The following RNF185 variants were observed in gnomAD, a reference collection of about 807,000 sequenced individuals.
The protein encoded by RNF185 is ring finger protein 185.
Under a neutral mutation model 24.9 loss-of-function variants are expected in RNF185, and 13 were observed. That is an observed-to-expected ratio of 0.52 (90% CI 0.34 to 0.83). The LOEUF (loss-of-function observed/expected upper bound fraction) is 0.83, where lower values mean the gene tolerates loss of function less well. RNF185 is among the 40% of genes least tolerant of loss of function. The pLI, the probability that RNF185 is intolerant of heterozygous loss-of-function variation, is 0.01. For missense variants in RNF185, 184 were observed against 244.7 expected (o/e 0.75, Z 1.65); for synonymous variants, 79 against 90.3 (o/e 0.88, Z 0.71).
rs1314876987 is a variant in RNF185, at chr22:31,204,941, A to G, written c.*355A>G. 1 of 219,252 alleles carries G rather than the reference A, an allele frequency of 4.6e-6. No individual in the cohort carries two copies. Among genetic ancestry groups the G allele is most frequent in the African/African-American group, 2.2e-5 (1 of 44,716 alleles). 13.6% of individuals were successfully genotyped at this position (219,252 alleles called of 1,614,324 possible). ...TATAATTTCACCTGAGTTTAATATT[A>G]CAGAAACAAAGGGATGCACCAAATG... On this transcript the variant is annotated 3_prime_UTR_variant, in exon 7 of 7. Coordinates refer to ENST00000326132, the MANE Select transcript of RNF185 (RefSeq NM_152267.4).
intron 1 of RNF185, among the ~76,000 whole-genome samples, chr22:31,183,885 A>G (rs1228660110): frequency 6.6e-6 from 1 of 151,948 alleles, no homozygotes; most frequent in African/African-American, 2.4e-5. Flanking sequence ...CCCGTTCTCA[A>G]TGAGCTGTTG....
chr22:31,164,704 A>T (rs951373690), intron 1 of RNF185, among the ~76,000 whole-genome samples: 1 of 148,280 alleles, frequency 6.7e-6, no homozygotes, highest in Non-Finnish European at 1.5e-5. Context: ...CTCCTGCCTC[A>T]GCCTCCTGAA....
At position 31,206,542 on chromosome 22, in the gene RNF185, T is replaced by C. The variant is rs1313388787; in HGVS notation, c.*1956T>C. ...CAACAGAAATGGGTTTCCAGAAGAA[T>C]AATGAAAAGTTGTGGGTAGGAAAAT... On this transcript the variant is annotated 3_prime_UTR_variant, in exon 7 of 7. Transcript: ENST00000326132. 2.6e-5 allele frequency: 4 copies of C among 152,164 alleles called. No individual in the cohort carries two copies. Among genetic ancestry groups the C allele is most frequent in the Non-Finnish European group, 5.9e-5 (4 of 68,028 alleles). The allele number at this position is 152,164 out of a possible 1,614,324, so 9.4% of individuals were successfully genotyped here. A position where few individuals can be genotyped will look rare whatever the true frequency, so the allele number is the denominator to read the frequency against.
intron 2 of RNF185, among the ~76,000 whole-genome samples, chr22:31,188,258 A>G (rs1050244600): frequency 3.9e-5 from 6 of 152,184 alleles, no homozygotes; most frequent in South Asian, 2.1e-4. Flanking sequence ...TTTAAACAAT[A>G]TTTAAGGGAT....
intron 1 of RNF185, among the ~76,000 whole-genome samples, chr22:31,162,914 A>T (rs550912866): frequency 6.6e-6 from 1 of 150,770 alleles, no homozygotes; most frequent in Admixed American, 6.6e-5. Flanking sequence ...ACAGGCGCCC[A>T]CCCCGATGAC....
At chr22:31,161,802 G>T (rs1266886859) in intron 1 of RNF185, among the ~76,000 whole-genome samples, 2 of 151,522 alleles carry the variant, frequency 1.3e-5, no homozygotes, top group African/African-American at 2.4e-5. Flanking sequence ...CTGTTGGCTA[G>T]CTTTCCATGC....
At chr22:31,166,713 G>A (rs527636983) in intron 1 of RNF185, among the ~76,000 whole-genome samples, 2 of 151,332 alleles carry the variant, frequency 1.3e-5, no homozygotes, top group South Asian at 2.1e-4. Context: ...GCAATGGTGC[G>A]ATCTTGGCTC....
chr22:31,187,867 GC>G (rs1257877730), intron 2 of RNF185, among the ~76,000 whole-genome samples: 1 of 152,148 alleles, frequency 6.6e-6, no homozygotes, highest in African/African-American at 2.4e-5. Flanking sequence ...GGTTACAGGA[GC>G]CCTTTCTGGC....
At chr22:31,192,609 C>A in intron 2 of RNF185, 75 bp from the exon 3 acceptor site, 1 of 1,317,972 alleles carries the variant, frequency 7.6e-7, no homozygotes, top group Non-Finnish European at 1.1e-6. Context: ...AGTGTTTCTG[C>A]TAATGAAAAC....
intron 5 of RNF185, among the ~76,000 whole-genome samples, chr22:31,200,429 C>T (rs887698876): frequency 7.2e-5 from 11 of 152,318 alleles, no homozygotes; most frequent in Non-Finnish European, 1.2e-4. Flanking sequence ...CTAAACTGTA[C>T]TCCTTGGTCA....
rs188222560 is a variant in RNF185, at chr22:31,166,956, C to T, written c.-49+6653C>T. On this transcript the variant is annotated intron_variant, in intron 1 of 6. Coordinates refer to ENST00000326132, the MANE Select transcript of RNF185 (RefSeq NM_152267.4). Reference sequence around the variant, plus strand: ...TGAGCCACCACACCTGGCCTATAAGCGTTACTTCTGATGGCCTACATAGAT... The same window carrying T: ...TGAGCCACCACACCTGGCCTATAAGTGTTACTTCTGATGGCCTACATAGAT... Among the ~76,000 whole-genome samples the T allele has an allele frequency of 5.3e-4, 80 of 152,124 alleles. 1 individual carries two copies. Among genetic ancestry groups the T allele is most frequent in the African/African-American group, 1.7e-3 (72 of 41,522 alleles).
chr22:31,182,908 T>TTTATTATTATTATTATTATTATTATTA, intron 1 of RNF185: 1 of 143,060 alleles, frequency 7.0e-6, no homozygotes, highest in East Asian at 2.0e-4. Context: ...ATTTATTTTA[T>TTTATTATTATTATTATTATTATTATTA]TTATTATTAT....
intron 6 of RNF185, among the ~76,000 whole-genome samples, 171 bp downstream of exon 6, chr22:31,201,786 C>T (rs2048265316): frequency 6.6e-6 from 1 of 152,118 alleles, no homozygotes; most frequent in African/African-American, 2.4e-5. Context: ...GGTAACAATG[C>T]TGAGCACTTA....
intron 1 of RNF185, among the ~76,000 whole-genome samples, chr22:31,177,280 T>C (rs114260433): frequency 6.7e-4 from 102 of 151,916 alleles, no homozygotes; most frequent in African/African-American, 2.4e-3. Context: ...TGGCAAATAA[T>C]AGGATCTTTA....
chr22:31,191,956 TA>T (rs1842466923), intron 2 of RNF185, among the ~76,000 whole-genome samples: 3 of 152,066 alleles, frequency 2.0e-5, no homozygotes, highest in Admixed American at 6.6e-5. Flanking sequence ...CTTTTTTTTT[TA>T]ATCCTGATGC....
intron 1 of RNF185, among the ~76,000 whole-genome samples, chr22:31,171,156 C>CTTACTTACTTATTTATTTATTTAT (rs149267234): frequency 1.4e-5 from 2 of 143,234 alleles, no homozygotes; most frequent in African/African-American, 5.2e-5. Flanking sequence ...CTCTGATTTA[C>CTTACTTACTTATTTATTTATTTAT]TTATTTATTT....
intron 1 of RNF185, among the ~76,000 whole-genome samples, chr22:31,175,925 C>T (rs2047977904): frequency 6.6e-6 from 1 of 152,100 alleles, no homozygotes; most frequent in Non-Finnish European, 1.5e-5. Context: ...TTGGACCTTT[C>T]ACATCTTTTA....
chr22:31,170,509 A>AT (rs2047918639), intron 1 of RNF185, among the ~76,000 whole-genome samples: 1 of 147,536 alleles, frequency 6.8e-6, no homozygotes, highest in Non-Finnish European at 1.5e-5. Flanking sequence ...TTTATTTTTT[A>AT]TTTATTTTAT....
rs1293078242 is a variant in RNF185, at chr22:31,206,828, CCTTT to C, written c.*2247_*2250del. 6.6e-6 allele frequency: 1 copy of C among 152,224 alleles called. No homozygotes were observed. Among genetic ancestry groups the C allele is most frequent in the Non-Finnish European group, 1.5e-5 (1 of 68,052 alleles). 9.4% of individuals were successfully genotyped at this position (152,224 alleles called of 1,614,324 possible). On this transcript the variant is annotated 3_prime_UTR_variant, in exon 7 of 7. Coordinates refer to ENST00000326132, the MANE Select transcript of RNF185 (RefSeq NM_152267.4). ...CTCATCCTTCTGCCAAGGCAGCTTT[CCTTT>C]CTTTTGTGTGTTTTCTGTGTTCTTA...
Sources: allele counts gnomAD v4.1 joint callset (sites outside exome capture counted in the v4.1 genomes callset), GRCh38; gene constraint gnomAD v4.1.1; transcripts MANE v1.5; gene names NCBI Gene and HGNC (gene_info 2026-07-23, HGNC 2026-07-21).